Variants in HNF4G observed in about 807,000 individuals in gnomAD.
HNF4G encodes the protein hepatocyte nuclear factor 4 gamma.
HNF4G carries 21 observed loss-of-function variants against 50.9 expected under a neutral mutation model. That is an observed-to-expected ratio of 0.41 (90% CI 0.29 to 0.59). The LOEUF (loss-of-function observed/expected upper bound fraction) is 0.59. Among genes scored for constraint, HNF4G ranks in the 20% least tolerant of loss-of-function variants. The pLI is 0.26. For missense variants in HNF4G, 527 were observed against 559.4 expected (o/e 0.94, Z 0.58); for synonymous variants, 198 against 185.6 (o/e 1.07, Z -0.54).
At chr8:75,517,695 C>A (rs1009842812) in intron 2 of HNF4G, among the ~76,000 whole-genome samples, 3 of 152,180 alleles carry the variant, frequency 2.0e-5, no homozygotes, top group East Asian at 1.9e-4. Flanking sequence ...TACAGCCCCC[C>A]TCCTGGCTGA....
intron 1 of HNF4G, among the ~76,000 whole-genome samples, chr8:75,472,327 T>C (rs192903421): frequency 1.2e-3 from 180 of 152,306 alleles, no homozygotes; most frequent in African/African-American, 4.2e-3. Context: ...GGGATTCAAG[T>C]TCTCCCTCCT....
At chr8:75,539,802 G>A (rs2130781948), upstream of HNF4G, 1 of 539,114 alleles carries the variant, frequency 1.9e-6, no homozygotes, top group African/African-American at 2.0e-5. Flanking sequence ...ATGGCCTGCT[G>A]AAGAAGGTTA....
chr8:75,480,726 T>TC (rs1563523103), intron 1 of HNF4G, among the ~76,000 whole-genome samples: 1 of 149,760 alleles, frequency 6.7e-6, no homozygotes, highest in Non-Finnish European at 1.5e-5. Context: ...TCTTTCTTTT[T>TC]TTTTTTTTTT....
At chr8:75,463,058 G>GTTT (rs1219575361) in intron 1 of HNF4G, among the ~76,000 whole-genome samples, 7 of 131,044 alleles carry the variant, frequency 5.3e-5, no homozygotes, top group African/African-American at 1.5e-4. Flanking sequence ...ATGTCTGCTT[G>GTTT]TTTTTTTGTT....
intron 1 of HNF4G, among the ~76,000 whole-genome samples, chr8:75,409,480 C>CTTTTTT (rs5892492): frequency 2.5e-3 from 168 of 67,216 alleles, no homozygotes; most frequent in East Asian, 6.2e-3. Context: ...GTGCCTTGTT[C>CTTTTTT]TTTTTTTTTT....
chr8:75,527,043 T>C (rs1408147582), intron 2 of HNF4G: 2 of 152,330 alleles, frequency 1.3e-5, no homozygotes, highest in Non-Finnish European at 2.9e-5. Flanking sequence ...CCCAAAGTGC[T>C]GGGATTACAG....
intron 2 of HNF4G, among the ~76,000 whole-genome samples, chr8:75,533,805 A>G (rs138631743): frequency 3.9e-5 from 6 of 151,988 alleles, no homozygotes; most frequent in Admixed American, 1.3e-4. Flanking sequence ...GTTATTCTCC[A>G]TATGTATCTA....
chr8:75,513,184 C>T (rs1805801929), intron 2 of HNF4G, among the ~76,000 whole-genome samples: 1 of 151,944 alleles, frequency 6.6e-6, no homozygotes, highest in Admixed American at 6.6e-5. Flanking sequence ...ACTACAGGCT[C>T]CTACCACCAC....
chr8:75,502,355 A>G (rs1215956027), intron 2 of HNF4G, among the ~76,000 whole-genome samples: 3 of 152,216 alleles, frequency 2.0e-5, no homozygotes, highest in Admixed American at 2.0e-4. Context: ...CATAGAGATA[A>G]CAAATAATAA....
In HNF4G at chr8:75,562,702, C is replaced by T. The variant is rs75211017; in HGVS notation, c.1247-1273C>T. On this transcript the variant is annotated intron_variant, in intron 9 of 9. Coordinates refer to ENST00000396423, the MANE Select transcript of HNF4G (RefSeq NM_004133.5). ...TTGCTGACCCTAGTCTTTTAAAAAT[C>T]ACATTGTTACTTTCATTTTTATTCT... is the stretch of plus-strand genomic sequence containing the variant. 3.5e-3 allele frequency among the ~76,000 whole-genome samples: 528 copies of T among 152,274 alleles called. 3 individuals carry two copies. The East Asian group carries it at 0.041, about 12-fold the overall frequency.
In HNF4G at chr8:75,564,203, G is replaced by T; in HGVS notation, c.*107G>T. On this transcript the variant is annotated 3_prime_UTR_variant, in exon 10 of 10. Transcript: ENST00000396423. ...AACTCTTAGCCAAGGCTTCTTCATT[G>T]GTGCTGTTATAAGATGGTGTCCTAT... is the stretch of plus-strand genomic sequence containing the variant. The T allele has an allele frequency of 2.6e-6, 3 of 1,142,362 alleles. No individual in the cohort carries two copies. The highest frequency in any genetic ancestry group is 1.4e-5 in the South Asian group (1 of 69,222). The allele number at this position is 1,142,362 out of a possible 1,614,324, so 70.8% of individuals were successfully genotyped here. A position where few individuals can be genotyped will look rare whatever the true frequency, so the allele number is the denominator to read the frequency against.
chr8:75,430,495 AG>A (rs1810987906), intron 1 of HNF4G, among the ~76,000 whole-genome samples: 1 of 145,982 alleles, frequency 6.9e-6, no homozygotes, highest in African/African-American at 2.6e-5. Flanking sequence ...AGAGAGAGAG[AG>A]AGAGAGGGAG....
At chr8:75,547,191 G>C (rs1806805224) in intron 2 of HNF4G, among the ~76,000 whole-genome samples, 1 of 152,138 alleles carries the variant, frequency 6.6e-6, no homozygotes, top group Admixed American at 6.5e-5. Context: ...AAGAATATTT[G>C]AAAAGAGAAA....
Position 75,501,867 on chromosome 8 carries a change from T to C in HNF4G, c.-24+11659T>C, listed in dbSNP as rs565499219. On this transcript the variant is annotated intron_variant, in intron 2 of 10. Coordinates refer to the HNF4G transcript ENST00000354370. ...AGAATACCTAAAGTATTTTTTTTTT[T>C]TTTGAGATGGAGTCTCTCTTTGTTG... Among the ~76,000 whole-genome samples, 256 of 118,854 alleles carry C rather than the reference T, an allele frequency of 2.2e-3. 3 individuals are homozygous for C. The highest frequency in any genetic ancestry group is 9.9e-3 in the African/African-American group (241 of 24,276). 78.0% of individuals were successfully genotyped at this position (118,854 alleles called of 152,430 possible).
intron 2 of HNF4G, among the ~76,000 whole-genome samples, chr8:75,518,190 C>T (rs558842311): frequency 3.6e-5 from 5 of 139,282 alleles, no homozygotes; most frequent in South Asian, 2.5e-4. Flanking sequence ...TTCCTGTGTC[C>T]GTGTGTTCTC....
intron 1 of HNF4G, among the ~76,000 whole-genome samples, chr8:75,438,020 T>TTTATTGTGACA (rs1811182103): frequency 1.3e-5 from 2 of 152,206 alleles, no homozygotes; most frequent in Non-Finnish European, 2.9e-5. Context: ...AATATGTAAT[T>TTTATTGTGACA]AATAGAGTTT....
At chr8:75,490,610 G>A (rs1010267964) in intron 2 of HNF4G, among the ~76,000 whole-genome samples, 1 of 152,076 alleles carries the variant, frequency 6.6e-6, no homozygotes, top group Non-Finnish European at 1.5e-5. Flanking sequence ...GTTTATCAGA[G>A]CAAATGCACA....
rs544266170 is a variant in HNF4G at position 75,551,374 on chromosome 8, T to G, written c.383-14T>G. The G allele has an allele frequency of 4.6e-6, 7 of 1,521,128 alleles. No individual in the cohort carries two copies. The East Asian group carries it at 1.1e-4, about 24-fold the overall frequency. 94.2% of individuals were successfully genotyped at this position (1,521,128 alleles called of 1,614,324 possible). ...AGAGAAGTGCTCAATAAATACTGTG[T>G]TTTTTCCCCCTAGCTGTACAAAATG... On this transcript the variant is annotated splice_polypyrimidine_tract_variant and intron_variant, in intron 3 of 9. Coordinates refer to ENST00000396423, the MANE Select transcript of HNF4G (RefSeq NM_004133.5).
At chr8:75,408,528 C>A (rs1298765590) in intron 1 of HNF4G, among the ~76,000 whole-genome samples, 1 of 152,078 alleles carries the variant, frequency 6.6e-6, no homozygotes, top group African/African-American at 2.4e-5. Context: ...GGGCATCTGC[C>A]GGTGATGCCG....
Sources: gnomAD v4.1 joint callset for allele counts (sites outside exome capture counted in the v4.1 genomes callset) on GRCh38, gnomAD v4.1.1 for gene constraint, MANE v1.5 for transcripts, NCBI Gene and HGNC (gene_info 2026-07-23, HGNC 2026-07-21) for gene names.